LYPLAL1: variants seen among roughly 807,000 people sequenced by gnomAD.
LYPLAL1 encodes the protein lysophospholipase like 1, also known as lysophospholipase-like protein 1.
Under a neutral mutation model 19.7 loss-of-function variants are expected in LYPLAL1, and 23 were observed. That is an observed-to-expected ratio of 1.17 (90% CI 0.84 to 1.65). The LOEUF is 1.65. Among genes scored for constraint, LYPLAL1 ranks in the 40% most tolerant of loss-of-function variants. LYPLAL1 has a pLI of 0.00. For synonymous variants in LYPLAL1, 119 were observed against 96.3 expected (o/e 1.24, Z -1.38); for missense variants, 355 against 279.4 (o/e 1.27, Z -1.93).
At chr1:219,179,698 T>C (rs1363619124) in intron 2 of LYPLAL1, among the ~76,000 whole-genome samples, 1 of 152,260 alleles carries the variant, frequency 6.6e-6, no homozygotes, top group African/African-American at 2.4e-5. Flanking sequence ...AACAATGTTA[T>C]GCTTTTTTAA....
the LYPLAL1 span, among the ~76,000 whole-genome samples, chr1:219,256,754 C>T: frequency 2.0e-5 from 3 of 151,968 alleles, no homozygotes; most frequent in African/African-American, 7.2e-5. Context: ...GCTGCATTCT[C>T]CAAGTTGTCA....
At chr1:219,350,589 C>A in the LYPLAL1 span, among the ~76,000 whole-genome samples, 3 of 152,190 alleles carry the variant, frequency 2.0e-5, no homozygotes, top group South Asian at 6.2e-4. Flanking sequence ...AAGTGTAGAG[C>A]TGAGCAGAGT....
chr1:219,221,325 G>T, the LYPLAL1 span, among the ~76,000 whole-genome samples: 10 of 152,150 alleles, frequency 6.6e-5, no homozygotes, highest in Non-Finnish European at 1.5e-4. Context: ...GCTCCACTGA[G>T]CCAGCATCTT....
At chr1:219,353,278 A>G in the LYPLAL1 span, among the ~76,000 whole-genome samples, 1 of 152,240 alleles carries the variant, frequency 6.6e-6, no homozygotes, top group Non-Finnish European at 1.5e-5. Context: ...GCACAATACC[A>G]GATAGGAGGT....
chr1:219,183,232 C>G (rs866967752), intron 2 of LYPLAL1, among the ~76,000 whole-genome samples: 17 of 151,976 alleles, frequency 1.1e-4, no homozygotes, highest in South Asian at 1.0e-3. Context: ...TTTAAATATC[C>G]TCAAAAGAAA....
At chr1:219,394,009 A>G in the LYPLAL1 span, among the ~76,000 whole-genome samples, 3 of 151,918 alleles carry the variant, frequency 2.0e-5, no homozygotes, top group Non-Finnish European at 4.4e-5. Flanking sequence ...GCTTATTTGT[A>G]TATATGTATT....
At chr1:219,400,259 C>G in the LYPLAL1 span, among the ~76,000 whole-genome samples, 1 of 152,024 alleles carries the variant, frequency 6.6e-6, no homozygotes, top group Non-Finnish European at 1.5e-5. Flanking sequence ...GGCAGCTGTT[C>G]CATGTGGCAG....
the LYPLAL1 span, among the ~76,000 whole-genome samples, chr1:219,246,937 C>T: frequency 6.6e-6 from 1 of 152,272 alleles, no homozygotes; most frequent in African/African-American, 2.4e-5. Flanking sequence ...AGGCCGGAAC[C>T]TTAAATTGAA....
At chr1:219,339,062 C>T in the LYPLAL1 span, among the ~76,000 whole-genome samples, 1 of 151,956 alleles carries the variant, frequency 6.6e-6, no homozygotes, top group African/African-American at 2.4e-5. Flanking sequence ...GAAGAAGGAA[C>T]TCATACCACG....
the LYPLAL1 span, chr1:219,435,416 G>T: frequency 2.0e-5 from 3 of 152,142 alleles, no homozygotes; most frequent in Admixed American, 2.0e-4. Flanking sequence ...AACAGCACCT[G>T]TTAGATAAAA....
the LYPLAL1 span, among the ~76,000 whole-genome samples, chr1:219,242,552 T>G: frequency 0.96 from 146,734 of 152,164 alleles, 70,991 homozygotes; most frequent in East Asian, 1. Context: ...ACTGCTTTGT[T>G]CCTCTCACTC....
At chr1:219,404,917 A>G in the LYPLAL1 span, among the ~76,000 whole-genome samples, 1 of 152,206 alleles carries the variant, frequency 6.6e-6, no homozygotes, top group East Asian at 1.9e-4. Flanking sequence ...TTCATCCAGG[A>G]CAGTGCTTTA....
intron 3 of LYPLAL1, among the ~76,000 whole-genome samples, chr1:219,207,580 T>A (rs2125109069): frequency 6.6e-6 from 1 of 152,182 alleles, no homozygotes; most frequent in East Asian, 1.9e-4. Flanking sequence ...ATTTGTTTAA[T>A]AAGTATAAGC....
chr1:219,433,018 G>C, the LYPLAL1 span, among the ~76,000 whole-genome samples: 16 of 152,190 alleles, frequency 1.1e-4, no homozygotes, highest in Non-Finnish European at 1.8e-4. Context: ...TCTCATCTGC[G>C]TGTGCCTCAC....
chr1:219,290,998 A>G, the LYPLAL1 span, among the ~76,000 whole-genome samples: 1 of 152,222 alleles, frequency 6.6e-6, no homozygotes, highest in South Asian at 2.1e-4. Flanking sequence ...CAATCAAGTT[A>G]CTTAGTATCA....
the LYPLAL1 span, among the ~76,000 whole-genome samples, chr1:219,395,831 C>A: frequency 1.8e-4 from 28 of 152,076 alleles, no homozygotes; most frequent in African/African-American, 5.8e-4. Context: ...TGGCTGGATG[C>A]GGTGGCTCAC....
At chr1:219,307,195 T>C in the LYPLAL1 span, among the ~76,000 whole-genome samples, 1 of 152,202 alleles carries the variant, frequency 6.6e-6, no homozygotes, top group African/African-American at 2.4e-5. Context: ...TCATTTCTTC[T>C]TTCTACTTAG....
the LYPLAL1 span, among the ~76,000 whole-genome samples, chr1:219,228,904 C>G: frequency 2.6e-5 from 4 of 152,038 alleles, no homozygotes; most frequent in African/African-American, 9.6e-5. Flanking sequence ...GTCTCGAACT[C>G]CCGACCTCAG....
intron 1 of LYPLAL1, chr1:219,174,960 C>T: frequency 1.0e-6 from 1 of 985,376 alleles, no homozygotes; most frequent in Middle Eastern, 5.2e-4. Flanking sequence ...ATTATTAAGG[C>T]ATTTGGAAGA....
Sources: allele counts gnomAD v4.1 joint callset (sites outside exome capture counted in the v4.1 genomes callset), GRCh38; gene constraint gnomAD v4.1.1; transcripts MANE v1.5; gene names NCBI Gene and HGNC (gene_info 2026-07-23, HGNC 2026-07-21).